Variants in CCDC7 observed in about 807,000 individuals in gnomAD.
CCDC7 encodes the protein coiled-coil domain-containing protein 7.
CCDC7 carries 183 observed loss-of-function variants against 196.9 expected under a neutral mutation model. That is an observed-to-expected ratio of 0.93 (90% CI 0.82 to 1.05). CCDC7 has a LOEUF of 1.05. Ranked by LOEUF, CCDC7 falls within the 50% of genes least tolerant of loss-of-function variation. The pLI is 0.00. For synonymous variants in CCDC7, 525 were observed against 484.6 expected (o/e 1.08, Z -1.10); for missense variants, 1,540 against 1,482.2 (o/e 1.04, Z -0.64).
intron 24 of CCDC7, among the ~76,000 whole-genome samples, chr10:32,699,217 A>G (rs1349132052): frequency 1.2e-5 from 1 of 81,628 alleles, no homozygotes; most frequent in African/African-American, 5.0e-5. Context: ...CCCCCACCCC[A>G]CAACAGGCCT....
At chr10:32,760,186 G>A (rs555282091) in intron 28 of CCDC7, among the ~76,000 whole-genome samples, 23 of 151,698 alleles carry the variant, frequency 1.5e-4, no homozygotes, top group Admixed American at 8.5e-4. Flanking sequence ...AGTCAGTGTG[G>A]CGATTCCTCA....
At chr10:32,486,523 A>G (rs563692377) in intron 8 of CCDC7, among the ~76,000 whole-genome samples, 3 of 121,918 alleles carry the variant, frequency 2.5e-5, no homozygotes, top group Admixed American at 9.1e-5. Flanking sequence ...GTTATGTGTG[A>G]ATTTGATCAT....
intron 33 of CCDC7, among the ~76,000 whole-genome samples, chr10:32,837,358 A>G (rs1048307010): frequency 2.0e-5 from 3 of 152,132 alleles, no homozygotes; most frequent in African/African-American, 4.8e-5. Flanking sequence ...AGAAATGCAA[A>G]TCAAAACCAC....
At chr10:32,811,176 A>G (rs79814496) in intron 30 of CCDC7, among the ~76,000 whole-genome samples, 3,256 of 152,156 alleles carry the variant, frequency 0.021, 63 homozygotes, top group Non-Finnish European at 0.034. Flanking sequence ...GAGCAGAACT[A>G]AGTGAAATAG....
intron 21 of CCDC7, among the ~76,000 whole-genome samples, chr10:32,666,220 C>T (rs1027825108): frequency 4.0e-5 from 6 of 149,786 alleles, no homozygotes; most frequent in Non-Finnish European, 7.4e-5. Context: ...TTGATTTACA[C>T]TGAGACCTAA....
intron 28 of CCDC7, among the ~76,000 whole-genome samples, chr10:32,776,753 A>G (rs928731460): frequency 1.3e-5 from 2 of 152,198 alleles, no homozygotes; most frequent in Non-Finnish European, 2.9e-5. Flanking sequence ...TATTCAATTG[A>G]ATAATTAGTA....
At chr10:32,736,530 T>G (rs1050430156) in intron 28 of CCDC7, among the ~76,000 whole-genome samples, 10 of 152,142 alleles carry the variant, frequency 6.6e-5, no homozygotes, top group African/African-American at 2.2e-4. Flanking sequence ...CCCAATGCTA[T>G]CCCTCCCCGC....
intron 2 of CCDC7, among the ~76,000 whole-genome samples, chr10:32,455,222 C>T (rs529019089): frequency 4.0e-5 from 6 of 151,874 alleles, no homozygotes; most frequent in East Asian, 1.9e-4. Context: ...TTTTTTTCCC[C>T]GTCTCCTATA....
chr10:32,557,661 T>C (rs1240829634), intron 13 of CCDC7, among the ~76,000 whole-genome samples: 2 of 152,184 alleles, frequency 1.3e-5, no homozygotes, highest in Non-Finnish European at 2.9e-5. Context: ...AATTCAGATA[T>C]TATGATTTTC....
At chr10:32,836,102 A>G (rs112492870) in intron 33 of CCDC7, among the ~76,000 whole-genome samples, 24 of 152,104 alleles carry the variant, frequency 1.6e-4, no homozygotes, top group African/African-American at 5.8e-4. Flanking sequence ...CTGGAATAAC[A>G]GTGTTAGGCA....
intron 11 of CCDC7, among the ~76,000 whole-genome samples, chr10:32,539,001 AAT>A (rs2050966340): frequency 2.0e-5 from 3 of 152,112 alleles, no homozygotes; most frequent in African/African-American, 7.2e-5. Context: ...GGCCTCATAG[AAT>A]GAGTTAGGGA....
intron 16 of CCDC7, among the ~76,000 whole-genome samples, chr10:32,573,475 T>A (rs987238284): frequency 6.6e-6 from 1 of 152,164 alleles, no homozygotes; most frequent in African/African-American, 2.4e-5. Context: ...GTAAGGCAGT[T>A]TCAGTTACTT....
At chr10:32,671,404 A>T (rs543096399) in intron 21 of CCDC7, among the ~76,000 whole-genome samples, 1 of 152,176 alleles carries the variant, frequency 6.6e-6, no homozygotes, top group Admixed American at 6.6e-5. Flanking sequence ...AGACTATATC[A>T]TATAACTTAG....
chr10:32,676,932 G>T (rs1007740174), intron 21 of CCDC7, among the ~76,000 whole-genome samples: 6 of 152,070 alleles, frequency 3.9e-5, no homozygotes, highest in South Asian at 2.1e-4. Context: ...TATATTTATT[G>T]CGGCACTATT....
intron 41 of CCDC7, among the ~76,000 whole-genome samples, chr10:32,867,233 T>C (rs1398533700): frequency 1.3e-5 from 2 of 151,698 alleles, no homozygotes; most frequent in East Asian, 1.9e-4. Context: ...CAATGTTAAA[T>C]TTCCTATTTT....
chr10:32,610,348 C>G (rs1033826825), intron 18 of CCDC7, among the ~76,000 whole-genome samples: 1 of 152,166 alleles, frequency 6.6e-6, no homozygotes, highest in African/African-American at 2.4e-5. Flanking sequence ...TCATGATCTG[C>G]CTGCCTCGGC....
chr10:32,872,489 T>C (rs2094464712), intron 41 of CCDC7, among the ~76,000 whole-genome samples: 1 of 152,072 alleles, frequency 6.6e-6, no homozygotes, highest in African/African-American at 2.4e-5. Flanking sequence ...TGACTCTTTA[T>C]CCAATTTGCC....
intron 13 of CCDC7, 76 bp downstream of exon 14, chr10:32,544,377 TTACGTATGTGATTA>T: frequency 6.9e-7 from 1 of 1,442,742 alleles, no homozygotes; most frequent in South Asian, 1.3e-5. Context: ...AGAAACATTA[TTACGTATGTGATTA>T]TAGGGTATAT....
chr10:32,664,335 C>A (rs149191696), intron 21 of CCDC7, among the ~76,000 whole-genome samples, 174 bp downstream of exon 22: 1 of 151,860 alleles, frequency 6.6e-6, no homozygotes, highest in Non-Finnish European at 1.5e-5. Flanking sequence ...AGCTATTTAA[C>A]ATGTATATTA....
Sources: gnomAD v4.1 joint callset for allele counts (sites outside exome capture counted in the v4.1 genomes callset) on GRCh38, gnomAD v4.1.1 for gene constraint, MANE v1.5 for transcripts, NCBI Gene and HGNC (gene_info 2026-07-23, HGNC 2026-07-21) for gene names.